NR1D2: variants seen among roughly 807,000 people sequenced by gnomAD.
The protein encoded by NR1D2 is nuclear receptor subfamily 1 group D member 2, also known as V-erbA-related protein 1-related.
Under a neutral mutation model 52.2 loss-of-function variants are expected in NR1D2, and 25 were observed. That is an observed-to-expected ratio of 0.48 (90% CI 0.35 to 0.67). The LOEUF (loss-of-function observed/expected upper bound fraction) is 0.67, where lower values mean the gene tolerates loss of function less well. Ranked by LOEUF, NR1D2 falls within the 30% of genes least tolerant of loss-of-function variation. The pLI is 0.01. For synonymous variants in NR1D2, 259 were observed against 230.1 expected (o/e 1.13, Z -1.14); for missense variants, 681 against 707.2 (o/e 0.96, Z 0.42).
intron 4 of NR1D2, among the ~76,000 whole-genome samples, chr3:23,960,934 A>T (rs923508031): frequency 3.3e-5 from 5 of 152,228 alleles, no homozygotes; most frequent in African/African-American, 9.6e-5. Flanking sequence ...CTGTGAAAGA[A>T]GCTTTTCTTT....
intron 7 of NR1D2, among the ~76,000 whole-genome samples, chr3:23,975,843 T>C (rs933885096): frequency 2.0e-5 from 3 of 152,240 alleles, no homozygotes; most frequent in African/African-American, 7.2e-5. Context: ...ACTATTAAAT[T>C]TTAGTCCTTG....
At chr3:23,946,243 C>T (rs1460064801) in intron 1 of NR1D2, 2 of 985,328 alleles carry the variant, frequency 2.0e-6, no homozygotes, top group East Asian at 1.1e-4. Context: ...GCCGCACGCT[C>T]TTTTCGCGAG....
At chr3:23,960,652 A>G (rs1706209867) in intron 4 of NR1D2, among the ~76,000 whole-genome samples, 1 of 152,128 alleles carries the variant, frequency 6.6e-6, no homozygotes, top group South Asian at 2.1e-4. Context: ...TGAGTAACAG[A>G]TTTCAGCAAT....
chr3:23,970,859 G>A (rs934575585), intron 7 of NR1D2, among the ~76,000 whole-genome samples: 2 of 151,768 alleles, frequency 1.3e-5, no homozygotes, highest in Non-Finnish European at 2.9e-5. Flanking sequence ...TCTGTTCACC[G>A]CAACCTCCCT....
chr3:23,963,612 G>T (rs571702315), intron 5 of NR1D2, among the ~76,000 whole-genome samples: 11 of 152,140 alleles, frequency 7.2e-5, no homozygotes, highest in African/African-American at 2.6e-4. Context: ...ACCATGCCTG[G>T]CTAATTTTTG....
rs370624336 is a variant in NR1D2 at position 23,965,125 on chromosome 3, A to C, written c.1295A>C (p.His432Pro). The C allele has an allele frequency of 6.2e-7, 1 of 1,612,912 alleles. No individual in the cohort carries two copies. Among genetic ancestry groups the C allele is most frequent in the Non-Finnish European group, 8.5e-7 (1 of 1,179,758 alleles). Reference sequence around the variant, plus strand: ...CCTGGGTTCAGAGATCTCTCTCAGCATGACCAGGTCAACCTTTTAAAGGCT... The same window carrying C: ...CCTGGGTTCAGAGATCTCTCTCAGCCTGACCAGGTCAACCTTTTAAAGGCT... ...RIPGFRDLSQ[H>P]DQVNLLKAGT... Residue 432 changes from histidine (H) to proline (P), a missense_variant, in exon 6 of 8, where the codon CAT (histidine) becomes CCT (proline). This residue lies in a region of NR1D2 where 475 missense variants were observed against 454.5 expected (regional missense o/e 1.05). Coordinates refer to ENST00000312521, the MANE Select transcript of NR1D2 (RefSeq NM_005126.5).
At chr3:23,971,304 T>TG (rs1706583660) in intron 7 of NR1D2, among the ~76,000 whole-genome samples, 1 of 13,980 alleles carries the variant, frequency 7.2e-5, no homozygotes, top group Non-Finnish European at 1.9e-4. Flanking sequence ...TCTATACCTA[T>TG]TTTTTTTTTT....
At chr3:23,946,223 T>G (rs995474612) in intron 1 of NR1D2, 1 of 985,422 alleles carries the variant, frequency 1.0e-6, no homozygotes, top group Non-Finnish European at 1.2e-6. Flanking sequence ...GACACCGCAG[T>G]GCACCGGACG....
chr3:23,949,294 G>A (rs1705861030), intron 1 of NR1D2, among the ~76,000 whole-genome samples: 1 of 151,930 alleles, frequency 6.6e-6, no homozygotes, highest in Non-Finnish European at 1.5e-5. Context: ...GAACCGAGGA[G>A]GCGGAGGTGG....
At position 23,945,511 on chromosome 3, in the gene NR1D2, AGGCGGCGGC is replaced by A; in HGVS notation, c.-60_-52del. 3 of 931,888 alleles carry A rather than the reference AGGCGGCGGC, an allele frequency of 3.2e-6. No individual in the cohort carries two copies. The highest frequency in any genetic ancestry group is 4.0e-6 in the Non-Finnish European group (3 of 748,180). The allele number at this position is 931,888 out of a possible 1,614,324, so 57.7% of individuals were successfully genotyped here. On this transcript the variant is annotated 5_prime_UTR_variant, in exon 1 of 8. Transcript: ENST00000312521. Reference sequence around the variant, plus strand: ...TCCAGCCCGGGGCGGCGCGGCGCTGAGGCGGCGGCGGCGGCGCTGCCCCCTCTGCGGGAA... The same window carrying A: ...TCCAGCCCGGGGCGGCGCGGCGCTGAGGCGGCGCTGCCCCCTCTGCGGGAA...
At chr3:23,945,752 C>T (rs1272987069) in intron 1 of NR1D2, among the ~76,000 whole-genome samples, 158 bp downstream of exon 1, 1 of 150,240 alleles carries the variant, frequency 6.7e-6, no homozygotes, top group Non-Finnish European at 1.5e-5. Context: ...TTCCCATCGC[C>T]CCCCGGGCCG....
chr3:23,972,578 C>T (rs980638513), intron 7 of NR1D2, among the ~76,000 whole-genome samples: 3 of 147,728 alleles, frequency 2.0e-5, no homozygotes, highest in African/African-American at 7.8e-5. Context: ...CAGTTGTCTT[C>T]ATAGAGATTT....
Position 23,965,300 on chromosome 3 carries a change from C to T in NR1D2, c.1332+138C>T, listed in dbSNP as rs576373812. On this transcript the variant is annotated intron_variant, in intron 6 of 7. Coordinates refer to ENST00000312521, the MANE Select transcript of NR1D2 (RefSeq NM_005126.5). ...TGTCACCCAGGCTGGAGTGCAGCAG[C>T]GCGATCATAGCTCACTGCAACCTCT... The T allele has an allele frequency of 1.6e-4, 101 of 630,882 alleles. 1 individual carries two copies. Among genetic ancestry groups the T allele is most frequent in the South Asian group, 2.9e-4 (12 of 41,504 alleles). The allele number at this position is 630,882 out of a possible 1,614,324, so 39.1% of individuals were successfully genotyped here. A position where few individuals can be genotyped will look rare whatever the true frequency, so the allele number is the denominator to read the frequency against.
At chr3:23,946,025 G>A in intron 1 of NR1D2, 3 of 821,396 alleles carry the variant, frequency 3.7e-6, no homozygotes, top group Non-Finnish European at 4.4e-6. Flanking sequence ...ACACGTGGGG[G>A]CGGGGGCGCG....
intron 1 of NR1D2, among the ~76,000 whole-genome samples, chr3:23,952,310 G>C (rs1705955056): frequency 1.3e-5 from 2 of 152,140 alleles, no homozygotes; most frequent in Non-Finnish European, 2.9e-5. Context: ...CCTCATGATC[G>C]AGTCCAGGCA....
chr3:23,964,244 A>AT (rs2125292544), intron 5 of NR1D2, among the ~76,000 whole-genome samples: 2 of 152,024 alleles, frequency 1.3e-5, no homozygotes, highest in South Asian at 4.2e-4. Flanking sequence ...CGTCTGGCTA[A>AT]TTTTTTTAAT....
intron 1 of NR1D2, among the ~76,000 whole-genome samples, chr3:23,946,889 G>A (rs1460965305): frequency 6.6e-6 from 1 of 152,172 alleles, no homozygotes; most frequent in Non-Finnish European, 1.5e-5. Context: ...TATGGAAACA[G>A]CCAGCTTTTG....
chr3:23,950,952 C>A (rs1049741425), intron 1 of NR1D2, among the ~76,000 whole-genome samples: 1 of 138,450 alleles, frequency 7.2e-6, no homozygotes, highest in Non-Finnish European at 1.5e-5. Context: ...GTTGCCCAGG[C>A]TGGAGTGCAA....
intron 1 of NR1D2, among the ~76,000 whole-genome samples, chr3:23,950,911 T>C (rs1705911829): frequency 6.8e-6 from 1 of 148,030 alleles, no homozygotes; most frequent in Admixed American, 6.7e-5. Flanking sequence ...TCTTTTTTTT[T>C]TTTTTTTTTT....
Sources: allele counts gnomAD v4.1 joint callset (sites outside exome capture counted in the v4.1 genomes callset), GRCh38; gene constraint gnomAD v4.1.1; regional missense constraint gnomAD v4.1.1; transcripts MANE v1.5; gene names NCBI Gene and HGNC (gene_info 2026-07-23, HGNC 2026-07-21).